The following MMRN1 variants were observed in gnomAD, a reference collection of about 807,000 sequenced individuals.
The protein encoded by MMRN1 is multimerin 1.
A neutral mutation model predicts 100.7 loss-of-function variants in MMRN1; 94 were observed. The ratio of observed to expected loss-of-function variants is 0.93; its 90% CI spans 0.79 to 1.11. The LOEUF is 1.11. Among genes scored for constraint, MMRN1 ranks in the 50% least tolerant of loss-of-function variants. MMRN1 has a pLI of 0.00. For missense variants in MMRN1, 1,606 were observed against 1,439.1 expected (o/e 1.12, Z -1.88); for synonymous variants, 575 against 505.0 (o/e 1.14, Z -1.86).
chr4:89,931,469 C>G (rs1722432177), intron 5 of MMRN1, among the ~76,000 whole-genome samples: 1 of 152,034 alleles, frequency 6.6e-6, no homozygotes, highest in Non-Finnish European at 1.5e-5. Context: ...ACTTTCCTGT[C>G]TAAAATGCTT....
intron 4 of MMRN1, among the ~76,000 whole-genome samples, chr4:89,925,223 A>T (rs1578486608): frequency 6.6e-6 from 1 of 150,824 alleles, no homozygotes; most frequent in Non-Finnish European, 1.5e-5. Context: ...TACAGCCTCC[A>T]TCTCCAGAGC....
At chr4:89,917,635 A>T (rs942710204) in intron 3 of MMRN1, among the ~76,000 whole-genome samples, 1 of 151,916 alleles carries the variant, frequency 6.6e-6, no homozygotes, top group African/African-American at 2.4e-5. Context: ...AATTATATTG[A>T]TGTCGTCTTT....
chr4:89,912,259 AT>A (rs922535899), intron 3 of MMRN1, among the ~76,000 whole-genome samples: 13 of 151,156 alleles, frequency 8.6e-5, no homozygotes, highest in African/African-American at 3.1e-4. Context: ...CCCCATTTTT[AT>A]GTTGGATTTA....
At position 89,913,503 on chromosome 4, in the gene MMRN1, C is replaced by A. The variant is rs560083914; in HGVS notation, c.850+1453C>A. On this transcript the variant is annotated intron_variant, in intron 3 of 7. Coordinates refer to ENST00000264790, the MANE Select transcript of MMRN1 (RefSeq NM_007351.3). ...CTTTATCACTATGGTGGACTACATACATGTAGGAAGAAAATACCAGAACAT... is the reference window on the plus strand; with the variant it reads ...CTTTATCACTATGGTGGACTACATAAATGTAGGAAGAAAATACCAGAACAT... Among the ~76,000 whole-genome samples the A allele has an allele frequency of 3.3e-5, 5 of 151,356 alleles. 1 individual carries two copies. In the South Asian group the frequency reaches 1.0e-3, roughly 31 times the overall value.
rs62312662 is a variant in MMRN1, at chr4:89,935,670, A to G, written c.1990A>G (p.Thr664Ala). Reference protein sequence around the residue: ...EQGASLRQTMTYEQPKEAIVI... With the variant: ...EQGASLRQTMAYEQPKEAIVI... ...GGGAGCATCACTCAGACAGACAATG[A>G]CATATGAACAACCAAAGGAAGCAAT... The change falls in exon 6 of 8, where the codon ACA (threonine) becomes GCA (alanine). Residue 664 changes from threonine to alanine, a missense_variant. By Grantham distance (58) the Thr-to-Ala change is moderately conservative. Coordinates refer to ENST00000264790, the MANE Select transcript of MMRN1 (RefSeq NM_007351.3). 4.3e-3 allele frequency: 6,976 copies of G among 1,613,328 alleles called. 30 individuals carry two copies. The highest frequency in any genetic ancestry group is 0.012 in the South Asian group (1,096 of 91,038).
chr4:89,914,567 A>G (rs1241534979), intron 3 of MMRN1, among the ~76,000 whole-genome samples: 1 of 151,514 alleles, frequency 6.6e-6, no homozygotes, highest in Non-Finnish European at 1.5e-5. Flanking sequence ...TCCAACATCA[A>G]AGTAATAGTT....
chr4:89,931,936 C>T (rs1282343684), intron 5 of MMRN1, among the ~76,000 whole-genome samples: 1 of 152,134 alleles, frequency 6.6e-6, no homozygotes, highest in East Asian at 1.9e-4. Flanking sequence ...CAAAACCAAT[C>T]ATGCCTTCCC....
intron 6 of MMRN1, among the ~76,000 whole-genome samples, chr4:89,947,245 G>C (rs1446899703): frequency 6.6e-6 from 1 of 152,124 alleles, no homozygotes; most frequent in Non-Finnish European, 1.5e-5. Context: ...TCATGCTACT[G>C]CACTCCAGCC....
At chr4:89,900,593 C>A (rs1721352603) in intron 1 of MMRN1, among the ~76,000 whole-genome samples, 1 of 151,860 alleles carries the variant, frequency 6.6e-6, no homozygotes, top group Admixed American at 6.6e-5. Flanking sequence ...TATTTTATGT[C>A]TTTCCGCAAT....
At position 89,936,180 on chromosome 4, in the gene MMRN1, G is replaced by A; in HGVS notation, c.2500G>A (p.Val834Met). The A allele has an allele frequency of 6.2e-7, 1 of 1,610,744 alleles. No homozygotes were observed. Among genetic ancestry groups the A allele is most frequent in the Non-Finnish European group, 8.5e-7 (1 of 1,179,116 alleles). ...AATGTTCAATGAAACCACTTCCCAA[G>A]TGAGAAAATACCAGCAAAATATGAG... ...YQMFNETTSQ[V>M]RKYQQNMSHL... Residue 834 changes from valine to methionine, a missense_variant, in exon 6 of 8, where the codon GTG becomes ATG. Coordinates refer to ENST00000264790, the MANE Select transcript of MMRN1 (RefSeq NM_007351.3).
intron 6 of MMRN1, among the ~76,000 whole-genome samples, chr4:89,948,281 CTAG>C (rs1723050902): frequency 6.6e-6 from 1 of 151,802 alleles, no homozygotes; most frequent in South Asian, 2.1e-4. Flanking sequence ...TATTTTTTTT[CTAG>C]TACGTATTTT....
intron 7 of MMRN1, among the ~76,000 whole-genome samples, chr4:89,952,744 G>T (rs1723219309): frequency 6.6e-6 from 1 of 152,052 alleles, no homozygotes. Context: ...TGTGAGGAAG[G>T]TATCAAATGT....
chr4:89,946,993 TG>T (rs1414640234), intron 6 of MMRN1, among the ~76,000 whole-genome samples: 2 of 152,104 alleles, frequency 1.3e-5, no homozygotes, highest in Non-Finnish European at 2.9e-5. Context: ...TTCGCTTAAA[TG>T]GATTCACTTC....
At chr4:89,917,526 C>G (rs192278845) in intron 3 of MMRN1, among the ~76,000 whole-genome samples, 1 of 151,874 alleles carries the variant, frequency 6.6e-6, no homozygotes, top group Non-Finnish European at 1.5e-5. Context: ...AGAGCATTGT[C>G]TATAATACAG....
chr4:89,951,889 A>G, intron 7 of MMRN1, 138 bp downstream of exon 7: 2 of 975,868 alleles, frequency 2.0e-6, no homozygotes, highest in South Asian at 1.9e-5. Context: ...TTCGAAACTT[A>G]CTGAAGAATG....
At position 89,895,292 on chromosome 4, in the gene MMRN1, A is replaced by T. The variant is rs1721158575; in HGVS notation, c.321A>T (p.Glu107Asp). Reference sequence around the variant, plus strand: ...CTCTCACATCCACAGAGAAAGCAGAAGGAGTGGTCAAGTTACAGAATCTTA... The same window carrying T: ...CTCTCACATCCACAGAGAAAGCAGATGGAGTGGTCAAGTTACAGAATCTTA... ...NQTLTSTEKA[E>D]GVVKLQNLTL... The change falls in exon 1 of 8, where the codon GAA becomes GAT. Residue 107 changes from glutamate (E) to aspartate (D), a missense_variant. Transcript: ENST00000264790. 3 of 1,613,972 alleles carry T rather than the reference A, an allele frequency of 1.9e-6. No individual in the cohort carries two copies. The highest frequency in any genetic ancestry group is 2.5e-6 in the Non-Finnish European group (3 of 1,179,928).
rs1380189114 is a variant in MMRN1 at position 89,954,233 on chromosome 4, G to C, written c.*815G>C. 4 of 152,260 alleles carry C rather than the reference G, an allele frequency of 2.6e-5. No homozygotes were observed. In the East Asian group the frequency reaches 7.7e-4, roughly 29 times the overall value. The allele number at this position is 152,260 out of a possible 1,614,324, so 9.4% of individuals were successfully genotyped here. On this transcript the variant is annotated 3_prime_UTR_variant, in exon 8 of 8. Coordinates refer to ENST00000264790, the MANE Select transcript of MMRN1 (RefSeq NM_007351.3). ...ATTTATGGGATGCTCACTATGCCCT[G>C]TTTCTCTTCTAAACAATTTACATGT...
At chr4:89,917,116 T>C (rs1477404142) in intron 3 of MMRN1, among the ~76,000 whole-genome samples, 2 of 151,710 alleles carry the variant, frequency 1.3e-5, no homozygotes, top group Non-Finnish European at 2.9e-5. Flanking sequence ...TGTGTGTGTA[T>C]GTGTGAAAGA....
intron 1 of MMRN1, among the ~76,000 whole-genome samples, chr4:89,886,042 G>T (rs996253006): frequency 1.4e-5 from 2 of 147,174 alleles, no homozygotes; most frequent in Non-Finnish European, 1.5e-5. Flanking sequence ...ACTATGCCTG[G>T]CTAATTTTTT....
Sources: allele counts gnomAD v4.1 joint callset (sites outside exome capture counted in the v4.1 genomes callset), GRCh38; gene constraint gnomAD v4.1.1; transcripts MANE v1.5; gene names NCBI Gene and HGNC (gene_info 2026-07-23, HGNC 2026-07-21).